The following SNTB1 variants were observed in gnomAD, a reference collection of about 807,000 sequenced individuals.
SNTB1 encodes the protein beta-1-syntrophin.
SNTB1 carries 36 observed loss-of-function variants against 48.9 expected under a neutral mutation model. That is an observed-to-expected ratio of 0.74 (90% CI 0.56 to 0.97). The LOEUF is 0.97. Among genes scored for constraint, SNTB1 ranks in the 50% least tolerant of loss-of-function variants. SNTB1 has a pLI of 0.00. For missense variants in SNTB1, 786 were observed against 703.4 expected, an observed-to-expected ratio of 1.12 and a Z score of -1.33; for synonymous variants, 299 against 294.6, an observed-to-expected ratio of 1.01 and a Z score of -0.15.
chr8:120,795,265 C>G lies in SNTB1; in HGVS notation c.571+16008G>C, dbSNP rs535406188. Among the ~76,000 whole-genome samples, 3 of 150,642 alleles carry G rather than the reference C, an allele frequency of 2.0e-5. No homozygotes were observed. The South Asian group carries it at 6.3e-4, about 32-fold the overall frequency. ...AGAAGTTAAAAAAAAAAACAAAAAACAAAACAAAAAGAAAATGGAGAAGTT... is the reference window on the plus strand; with the variant it reads ...AGAAGTTAAAAAAAAAAACAAAAAAGAAAACAAAAAGAAAATGGAGAAGTT... On this transcript the variant is annotated intron_variant, in intron 1 of 6. Coordinates refer to ENST00000517992, the MANE Select transcript of SNTB1 (RefSeq NM_021021.4).
intron 3 of SNTB1, among the ~76,000 whole-genome samples, chr8:120,599,416 A>G (rs1663530654): frequency 1.3e-5 from 2 of 152,234 alleles, no homozygotes; most frequent in South Asian, 2.1e-4. Context: ...TTTTTAAAAT[A>G]TTTCTGAAGC....
At chr8:120,560,503 A>T (rs1371264716) in intron 4 of SNTB1, among the ~76,000 whole-genome samples, 4 of 151,442 alleles carry the variant, frequency 2.6e-5, no homozygotes, top group Non-Finnish European at 5.9e-5. Context: ...AATAAATAAT[A>T]AATAAATAAA....
At chr8:120,619,328 G>A (rs2130739589) in intron 3 of SNTB1, among the ~76,000 whole-genome samples, 2 of 151,890 alleles carry the variant, frequency 1.3e-5, no homozygotes, top group Middle Eastern at 3.4e-3. Context: ...GAGAGAGAGA[G>A]AGAAAGAGAC....
chr8:120,760,284 A>G (rs1239356779), intron 1 of SNTB1, among the ~76,000 whole-genome samples: 5 of 150,472 alleles, frequency 3.3e-5, no homozygotes, highest in African/African-American at 1.2e-4. Context: ...TGTCCTCACA[A>G]TAAGAAACAA....
rs1815195415 is a variant in SNTB1 at position 120,535,941 on chromosome 8, C to T, written c.*2936G>A. 1 of 152,094 alleles carries T rather than the reference C, an allele frequency of 6.6e-6. No individual in the cohort carries two copies. Among genetic ancestry groups the T allele is most frequent in the Admixed American group, 6.6e-5 (1 of 15,262 alleles). 9.4% of individuals were successfully genotyped at this position (152,094 alleles called of 1,614,324 possible). On this transcript the variant is annotated 3_prime_UTR_variant, in exon 7 of 7. Transcript: ENST00000517992. ...AAAACAGGGTCCAGAAAGGCCCTGC[C>T]CATTAATTTTAAAACTTTCTGACCA...
chr8:120,744,957 C>T (rs1034404429), intron 1 of SNTB1, among the ~76,000 whole-genome samples: 2 of 152,166 alleles, frequency 1.3e-5, no homozygotes, highest in African/African-American at 4.8e-5. Flanking sequence ...TCCATGACAA[C>T]TTCTTGCCCC....
chr8:120,759,449 T>C (rs559621480), intron 1 of SNTB1, among the ~76,000 whole-genome samples: 15 of 152,320 alleles, frequency 9.8e-5, no homozygotes, highest in African/African-American at 3.4e-4. Context: ...CACTCTTTCC[T>C]TAAATTAGCA....
At chr8:120,737,365 A>T (rs1818965180) in intron 1 of SNTB1, among the ~76,000 whole-genome samples, 1 of 152,204 alleles carries the variant, frequency 6.6e-6, no homozygotes, top group African/African-American at 2.4e-5. Flanking sequence ...AATGAAAGAC[A>T]GCTAGATATT....
chr8:120,721,762 A>C (rs1386943154), intron 1 of SNTB1, among the ~76,000 whole-genome samples: 3 of 152,044 alleles, frequency 2.0e-5, no homozygotes, highest in Non-Finnish European at 4.4e-5. Context: ...TTATACTTTA[A>C]GTTCTAGGGT....
chr8:120,560,211 G>A (rs1473553853), intron 4 of SNTB1, among the ~76,000 whole-genome samples: 1 of 152,146 alleles, frequency 6.6e-6, no homozygotes, highest in Admixed American at 6.5e-5. Flanking sequence ...GGCCGGGTGC[G>A]GTGGCTCATG....
At chr8:120,681,548 C>T (rs1817931824) in intron 2 of SNTB1, among the ~76,000 whole-genome samples, 1 of 152,118 alleles carries the variant, frequency 6.6e-6, no homozygotes. Flanking sequence ...TAAATGAAGT[C>T]TGTATGCTGA....
chr8:120,626,662 A>G (rs1816890723), intron 3 of SNTB1, among the ~76,000 whole-genome samples: 1 of 151,876 alleles, frequency 6.6e-6, no homozygotes, highest in African/African-American at 2.4e-5. Context: ...ATCCTTTCTA[A>G]GTTTGGATCA....
chr8:120,541,408 C>T (rs142670784), intron 6 of SNTB1, among the ~76,000 whole-genome samples: 4 of 152,248 alleles, frequency 2.6e-5, no homozygotes, highest in African/African-American at 7.2e-5. Context: ...TCTGTCCTCT[C>T]CTCGGAGACT....
At chr8:120,600,728 A>C (rs1816408914) in intron 3 of SNTB1, among the ~76,000 whole-genome samples, 1 of 151,938 alleles carries the variant, frequency 6.6e-6, no homozygotes, top group Non-Finnish European at 1.5e-5. Flanking sequence ...GTTCAGTTTG[A>C]GGCTGACCAT....
At chr8:120,643,264 T>A (rs1432171441) in intron 2 of SNTB1, among the ~76,000 whole-genome samples, 1 of 152,230 alleles carries the variant, frequency 6.6e-6, no homozygotes, top group African/African-American at 2.4e-5. Flanking sequence ...TTTGTTGTTA[T>A]TGTTTCTCTG....
intron 4 of SNTB1, among the ~76,000 whole-genome samples, chr8:120,550,619 G>C (rs1455430579): frequency 6.6e-6 from 1 of 151,764 alleles, no homozygotes; most frequent in Non-Finnish European, 1.5e-5. Flanking sequence ...ACAGTGTGAA[G>C]GGAAATGACT....
intron 5 of SNTB1, among the ~76,000 whole-genome samples, chr8:120,542,987 C>T (rs575581973): frequency 1.4e-4 from 22 of 152,244 alleles, no homozygotes; most frequent in South Asian, 6.2e-4. Flanking sequence ...ACCCTGAGTG[C>T]GGCATCCAGG....
intron 4 of SNTB1, chr8:120,571,325 G>GA: frequency 7.8e-7 from 1 of 1,287,974 alleles, no homozygotes; most frequent in Non-Finnish European, 1.0e-6. Context: ...TCTGTTGCGG[G>GA]AATGTCTCAG....
At position 120,549,865 on chromosome 8, in the gene SNTB1, T is replaced by C. The variant is rs150618586; in HGVS notation, c.1137-907A>G. Among the ~76,000 whole-genome samples, 1,044 of 152,342 alleles carry C rather than the reference T, an allele frequency of 6.9e-3. 12 individuals are homozygous for C. Among genetic ancestry groups the C allele is most frequent in the African/African-American group, 0.024 (981 of 41,580 alleles). On this transcript the variant is annotated intron_variant, in intron 4 of 6. Coordinates refer to ENST00000517992, the MANE Select transcript of SNTB1 (RefSeq NM_021021.4). ...GTCTAATTTAGTAAATGTGACTTCT[T>C]TCTAGGGTATTTGCATTTTCAATCT...
Sources: gnomAD v4.1 joint callset for allele counts (sites outside exome capture counted in the v4.1 genomes callset) on GRCh38, gnomAD v4.1.1 for gene constraint, MANE v1.5 for transcripts, NCBI Gene and HGNC (gene_info 2026-07-23, HGNC 2026-07-21) for gene names.